The following THSD4 variants were observed in gnomAD, a reference collection of about 807,000 sequenced individuals.
The protein encoded by THSD4 is thrombospondin type 1 domain containing 4, also known as thrombospondin type-1 domain-containing protein 4.
Under a neutral mutation model 119.0 loss-of-function variants are expected in THSD4, and 69 were observed. The observed-to-expected ratio is 0.58, with a 90% CI of 0.48 to 0.71. The LOEUF (loss-of-function observed/expected upper bound fraction) is 0.71. THSD4 is among the 30% of genes least tolerant of loss of function. The pLI is 0.00. For synonymous variants in THSD4, 524 were observed against 540.4 expected, an observed-to-expected ratio of 0.97 and a Z score of 0.42; for missense variants, 1,393 against 1,391.1, an observed-to-expected ratio of 1.00 and a Z score of -0.02.
intron 8 of THSD4, among the ~76,000 whole-genome samples, chr15:71,693,208 G>A (rs955750435): frequency 1.3e-5 from 2 of 152,180 alleles, no homozygotes; most frequent in Non-Finnish European, 2.9e-5. Context: ...CAAAGGATGT[G>A]TAAGGCCACA....
At chr15:71,435,164 T>G (rs1010616803) in intron 7 of THSD4, among the ~76,000 whole-genome samples, 6 of 151,276 alleles carry the variant, frequency 4.0e-5, no homozygotes, top group African/African-American at 1.2e-4. Context: ...AATGTTTCAT[T>G]TTTTTTTTCT....
At chr15:71,456,588 G>A (rs570194513) in intron 7 of THSD4, among the ~76,000 whole-genome samples, 23 of 152,256 alleles carry the variant, frequency 1.5e-4, no homozygotes, top group Non-Finnish European at 2.5e-4. Context: ...TATACTTGGT[G>A]GGTGGCTGAG....
chr15:71,576,388 T>C (rs954664077), intron 7 of THSD4, among the ~76,000 whole-genome samples: 4 of 152,088 alleles, frequency 2.6e-5, no homozygotes. Context: ...AGGAACATTC[T>C]CCTTCCTCCC....
intron 7 of THSD4, among the ~76,000 whole-genome samples, chr15:71,551,515 T>A (rs1156582445): frequency 1.3e-5 from 2 of 152,210 alleles, no homozygotes; most frequent in Non-Finnish European, 2.9e-5. Flanking sequence ...CAATTATCTG[T>A]CGTGATTCAG....
chr15:71,256,993 G>A (rs1044835974), intron 6 of THSD4, among the ~76,000 whole-genome samples: 1 of 152,164 alleles, frequency 6.6e-6, no homozygotes, highest in Non-Finnish European at 1.5e-5. Context: ...GACAGAACAG[G>A]GTTCAAGGAA....
intron 3 of THSD4, chr15:71,182,987 A>G (rs2043550302): frequency 6.6e-6 from 1 of 151,782 alleles, no homozygotes; most frequent in Admixed American, 6.6e-5. Context: ...AACTCATCAC[A>G]CATGTATCAA....
rs1288285998 is a variant in THSD4 at position 71,473,087 on chromosome 15, C to T, written c.1152+61264C>T. Among the ~76,000 whole-genome samples, 11 of 141,064 alleles carry T rather than the reference C, an allele frequency of 7.8e-5. No individual in the cohort carries two copies. The Admixed American group carries it at 8.2e-4, about 10-fold the overall frequency. 92.5% of individuals were successfully genotyped at this position (141,064 alleles called of 152,430 possible). On this transcript the variant is annotated intron_variant, in intron 7 of 17. Transcript: ENST00000261862. Reference sequence around the variant, plus strand: ...TTTTTTTTTTTTTGAGACAAAGTCTCACTCTGTGGCCCAGGCTGGAGTACA... The same window carrying T: ...TTTTTTTTTTTTTGAGACAAAGTCTTACTCTGTGGCCCAGGCTGGAGTACA...
At chr15:71,477,694 C>A (rs1162848518) in intron 7 of THSD4, among the ~76,000 whole-genome samples, 1 of 152,168 alleles carries the variant, frequency 6.6e-6, no homozygotes, top group African/African-American at 2.4e-5. Context: ...TCATGCTGAC[C>A]ATTCTCCAGT....
intron 7 of THSD4, among the ~76,000 whole-genome samples, chr15:71,430,690 G>C (rs1281842748): frequency 6.9e-6 from 1 of 145,912 alleles, no homozygotes; most frequent in Non-Finnish European, 1.5e-5. Flanking sequence ...CCGGGAGGTG[G>C]AGGTTGCAGT....
rs372667876 is a variant in THSD4, at chr15:71,341,705, C to T, written c.1016-69982C>T. The T allele has an allele frequency of 2.6e-4, 306 of 1,183,384 alleles. 2 individuals are homozygous for T. The African/African-American group carries it at 3.8e-3, about 15-fold the overall frequency. The allele number at this position is 1,183,384 out of a possible 1,614,324, so 73.3% of individuals were successfully genotyped here. A position where few individuals can be genotyped will look rare whatever the true frequency, so the allele number is the denominator to read the frequency against. On this transcript the variant is annotated intron_variant, in intron 6 of 17. Coordinates refer to ENST00000261862, the MANE Select transcript of THSD4 (RefSeq NM_024817.3). ...GGGGTTCTCCGGGTCAAGTGAATAG[C>T]GAACCATTTTCACAGATTACCTCAG...
intron 6 of THSD4, among the ~76,000 whole-genome samples, chr15:71,337,608 C>A (rs961221136): frequency 1.3e-5 from 2 of 152,166 alleles, no homozygotes; most frequent in Non-Finnish European, 2.9e-5. Flanking sequence ...CATTCTGGCC[C>A]GCAGGTCATT....
chr15:71,336,980 C>T (rs370860851), intron 6 of THSD4, among the ~76,000 whole-genome samples: 4 of 152,224 alleles, frequency 2.6e-5, no homozygotes, highest in African/African-American at 7.2e-5. Flanking sequence ...TACTTGAGGG[C>T]CTTCCAATCC....
intron 6 of THSD4, among the ~76,000 whole-genome samples, chr15:71,359,880 T>C (rs536684620): frequency 3.9e-5 from 6 of 152,208 alleles, no homozygotes; most frequent in African/African-American, 1.4e-4. Flanking sequence ...AAGAGAAAGA[T>C]GTGAGGATTC....
chr15:71,526,548 C>G (rs770377337), intron 7 of THSD4, among the ~76,000 whole-genome samples: 6 of 152,190 alleles, frequency 3.9e-5, no homozygotes, highest in Middle Eastern at 3.4e-3. Context: ...GGAATAGTTG[C>G]ACTGGAATAT....
intron 6 of THSD4, among the ~76,000 whole-genome samples, chr15:71,354,728 A>G (rs530483986): frequency 1.3e-5 from 2 of 152,354 alleles, no homozygotes; most frequent in East Asian, 3.9e-4. Flanking sequence ...TGGGCATGCC[A>G]CATGACCTCT....
At chr15:71,199,755 GTGA>G (rs2043770939) in intron 3 of THSD4, among the ~76,000 whole-genome samples, 1 of 144,888 alleles carries the variant, frequency 6.9e-6, no homozygotes, top group Non-Finnish European at 1.5e-5. Flanking sequence ...GTGGGTGTGT[GTGA>G]TGTGTGTGGT....
intron 6 of THSD4, among the ~76,000 whole-genome samples, chr15:71,293,572 C>T (rs1043721769): frequency 3.3e-5 from 5 of 152,100 alleles, no homozygotes; most frequent in African/African-American, 9.7e-5. Flanking sequence ...CCTGTGCCTC[C>T]GAGGGCTGGG....
At chr15:71,748,112 C>T (rs1263502920) in intron 13 of THSD4, among the ~76,000 whole-genome samples, 3 of 152,162 alleles carry the variant, frequency 2.0e-5, no homozygotes, top group African/African-American at 4.8e-5. Flanking sequence ...AACCTTCCAT[C>T]CTGTCATGGC....
intron 6 of THSD4, among the ~76,000 whole-genome samples, chr15:71,330,524 A>G (rs11854933): frequency 0.18 from 27,623 of 152,078 alleles, 2,673 homozygotes; most frequent in African/African-American, 0.24. Context: ...GCCATTCTGA[A>G]CTTCAGTTTC....
Sources: allele counts gnomAD v4.1 joint callset (sites outside exome capture counted in the v4.1 genomes callset), GRCh38; gene constraint gnomAD v4.1.1; transcripts MANE v1.5; gene names NCBI Gene and HGNC (gene_info 2026-07-23, HGNC 2026-07-21).